ZMAT4: variants seen among roughly 807,000 people sequenced by gnomAD.
The protein encoded by ZMAT4 is zinc finger matrin-type protein 4.
Under a neutral mutation model 28.7 loss-of-function variants are expected in ZMAT4, and 17 were observed. The ratio of observed to expected loss-of-function variants is 0.59; its 90% CI spans 0.41 to 0.89. ZMAT4 has a LOEUF of 0.89. Among genes scored for constraint, ZMAT4 ranks in the 40% least tolerant of loss-of-function variants. The probability of loss-of-function intolerance (pLI) is 0.00; values close to 1 mark genes in which losing one functional copy is unlikely to be tolerated. For synonymous variants in ZMAT4, 117 were observed against 109.2 expected (o/e 1.07, Z -0.44); for missense variants, 240 against 283.8 (o/e 0.85, Z 1.11).
At chr8:40,550,990 AT>A (rs1181546672) in intron 6 of ZMAT4, among the ~76,000 whole-genome samples, 1 of 152,106 alleles carries the variant, frequency 6.6e-6, no homozygotes, top group Non-Finnish European at 1.5e-5. Flanking sequence ...AGGTTTGTAC[AT>A]TTTCATGTCC....
At chr8:40,634,881 A>G (rs1585790753) in intron 5 of ZMAT4, among the ~76,000 whole-genome samples, 1 of 152,348 alleles carries the variant, frequency 6.6e-6, no homozygotes, top group South Asian at 2.1e-4. Flanking sequence ...AGCTTCCTGC[A>G]GACTCTGATG....
In ZMAT4 at chr8:40,532,253, G is replaced by A. The variant is rs74701408; in HGVS notation, c.675-15C>T. On this transcript the variant is annotated splice_polypyrimidine_tract_variant and intron_variant, in intron 6 of 6. Transcript: ENST00000297737. Reference sequence around the variant, plus strand: ...TATTCTTCAGGCTATAAGACAGAAGGAAACACAGTGTTACCTTCTTTCATA... The same window carrying A: ...TATTCTTCAGGCTATAAGACAGAAGAAAACACAGTGTTACCTTCTTTCATA... 0.016 allele frequency: 24,965 copies of A among 1,574,684 alleles called. 719 individuals are homozygous for A. Among genetic ancestry groups the A allele is most frequent in the African/African-American group, 0.13 (9,290 of 73,428 alleles).
At chr8:40,805,783 C>T (rs995355175) in intron 2 of ZMAT4, among the ~76,000 whole-genome samples, 6 of 107,408 alleles carry the variant, frequency 5.6e-5, no homozygotes, top group Admixed American at 1.4e-4. Flanking sequence ...ACTCTGGGGA[C>T]TGTTGTGGGG....
At position 40,581,213 on chromosome 8, in the gene ZMAT4, G is replaced by T. The variant is rs1804454297; in HGVS notation, c.626C>A (p.Ser209Ter). The change falls in exon 6 of 7, where the codon TCA (serine) becomes TAA (stop). Residue 209 changes from serine to a stop codon, truncating the protein, a stop_gained. Transcript: ENST00000297737. LOFTEE classifies it high-confidence loss of function. Reference sequence around the variant, plus strand: ...CAGATGGGCATGATACTGTTCTATTGAGTTTAGGGAGACACTGCAGATGGT... The same window carrying T: ...CAGATGGGCATGATACTGTTCTATTTAGTTTAGGGAGACACTGCAGATGGT... ...RCTICSVSLN[S>*]IEQYHAHLKG... 1 of 1,613,476 alleles carries T rather than the reference G, an allele frequency of 6.2e-7. No homozygotes were observed. The highest frequency in any genetic ancestry group is 1.1e-5 in the South Asian group (1 of 91,040).
chr8:40,601,491 A>G (rs532702285), intron 5 of ZMAT4, among the ~76,000 whole-genome samples: 2 of 144,818 alleles, frequency 1.4e-5, no homozygotes, highest in African/African-American at 5.1e-5. Flanking sequence ...GAAAGAAAGA[A>G]AGAGAGAAAG....
chr8:40,849,975 C>T (rs1586165290), intron 1 of ZMAT4, among the ~76,000 whole-genome samples: 1 of 152,252 alleles, frequency 6.6e-6, no homozygotes, highest in South Asian at 2.1e-4. Flanking sequence ...GGGATCGCTC[C>T]TCATCCACTC....
chr8:40,677,010 A>G (rs1006147981), intron 4 of ZMAT4, among the ~76,000 whole-genome samples: 10 of 152,208 alleles, frequency 6.6e-5, no homozygotes, highest in African/African-American at 2.4e-4. Flanking sequence ...AGGATTTATA[A>G]TTAGCTATTG....
In ZMAT4 at chr8:40,641,960, A is replaced by G. The variant is rs1807052073; in HGVS notation, c.577+32744T>C. 2.0e-5 allele frequency among the ~76,000 whole-genome samples: 3 copies of G among 152,140 alleles called. No individual in the cohort carries two copies. The South Asian group carries it at 6.2e-4, about 31-fold the overall frequency. ...ATAATAATAAAATAAATAAAAATAAAGTGAACTCATTTCCTCTCTCTAAAA... is the reference window on the plus strand; with the variant it reads ...ATAATAATAAAATAAATAAAAATAAGGTGAACTCATTTCCTCTCTCTAAAA... On this transcript the variant is annotated intron_variant, in intron 5 of 6. Coordinates refer to ENST00000297737, the MANE Select transcript of ZMAT4 (RefSeq NM_024645.3).
At position 40,780,460 on chromosome 8, in the gene ZMAT4, A is replaced by T. The variant is rs936026829; in HGVS notation, c.103-12730T>A. Among the ~76,000 whole-genome samples the T allele has an allele frequency of 1.7e-4, 26 of 152,346 alleles. No individual in the cohort carries two copies. The East Asian group carries it at 5.0e-3, about 29-fold the overall frequency. ...GGGACTGTCTGCACTTCCAGAAAGA[A>T]CCATTATCTTTCCTCCTATATCAAA... is the stretch of plus-strand genomic sequence containing the variant. On this transcript the variant is annotated intron_variant, in intron 2 of 6. Coordinates refer to ENST00000297737, the MANE Select transcript of ZMAT4 (RefSeq NM_024645.3).
chr8:40,545,477 C>A (rs1418283881), intron 6 of ZMAT4, among the ~76,000 whole-genome samples: 1 of 152,074 alleles, frequency 6.6e-6, no homozygotes, highest in African/African-American at 2.4e-5. Flanking sequence ...CAGAATGCAA[C>A]CTTATTTGGA....
intron 2 of ZMAT4, among the ~76,000 whole-genome samples, chr8:40,819,256 C>T (rs16889988): frequency 0.23 from 34,737 of 152,048 alleles, 4,175 homozygotes; most frequent in East Asian, 0.31. Flanking sequence ...CTGATATTCA[C>T]CAAGATTCAG....
At position 40,767,582 on chromosome 8, in the gene ZMAT4, A is replaced by G; in HGVS notation, c.192+59T>C. 7.6e-6 allele frequency: 11 copies of G among 1,456,656 alleles called. No individual in the cohort carries two copies. In the South Asian group the frequency reaches 1.3e-4, roughly 17 times the overall value. The allele number at this position is 1,456,656 out of a possible 1,614,324, so 90.2% of individuals were successfully genotyped here. A position where few individuals can be genotyped will look rare whatever the true frequency, so the allele number is the denominator to read the frequency against. On this transcript the variant is annotated intron_variant, in intron 3 of 6. Transcript: ENST00000297737. Reference sequence around the variant, plus strand: ...ACTAGACTACAATTCCTACACCTGCAAAGTTCTCAGTACACAGAACAAATC... The same window carrying G: ...ACTAGACTACAATTCCTACACCTGCGAAGTTCTCAGTACACAGAACAAATC...
At chr8:40,652,355 G>A (rs971454927) in intron 5 of ZMAT4, among the ~76,000 whole-genome samples, 7 of 123,898 alleles carry the variant, frequency 5.6e-5, no homozygotes, top group Non-Finnish European at 1.0e-4. Flanking sequence ...CTGGCCATCA[G>A]AGAAATGCAA....
At position 40,716,712 on chromosome 8, in the gene ZMAT4, G is replaced by T. The variant is rs533675869; in HGVS notation, c.193-19311C>A. On this transcript the variant is annotated intron_variant, in intron 3 of 6. Transcript: ENST00000297737. ...CTCAAAAATAAATAAAAATAAATAA[G>T]AGAGAGTCAGTTTGATTAGGGTCCA... is the stretch of plus-strand genomic sequence containing the variant. Among the ~76,000 whole-genome samples the T allele has an allele frequency of 1.8e-4, 27 of 152,176 alleles. No homozygotes were observed. In the South Asian group the frequency reaches 5.6e-3, roughly 32 times the overall value.
chr8:40,708,369 A>G (rs1452733476), intron 3 of ZMAT4, among the ~76,000 whole-genome samples: 1 of 152,174 alleles, frequency 6.6e-6, no homozygotes, highest in Non-Finnish European at 1.5e-5. Context: ...TTTCTGTACA[A>G]CCCACCAGAA....
At chr8:40,671,313 A>G (rs1808656180) in intron 5 of ZMAT4, among the ~76,000 whole-genome samples, 1 of 152,154 alleles carries the variant, frequency 6.6e-6, no homozygotes, top group South Asian at 2.1e-4. Flanking sequence ...CAGCAATCCT[A>G]TGCCTATTTA....
intron 3 of ZMAT4, among the ~76,000 whole-genome samples, chr8:40,752,668 T>C (rs1812503338): frequency 6.6e-6 from 1 of 152,126 alleles, no homozygotes; most frequent in Non-Finnish European, 1.5e-5. Flanking sequence ...AATTATCCCA[T>C]TCATCTATTT....
chr8:40,611,328 T>A (rs1439308370), intron 5 of ZMAT4, among the ~76,000 whole-genome samples: 1 of 152,142 alleles, frequency 6.6e-6, no homozygotes, highest in African/African-American at 2.4e-5. Flanking sequence ...ACATATTATC[T>A]GTAGAATATA....
intron 3 of ZMAT4, among the ~76,000 whole-genome samples, chr8:40,727,152 C>A (rs1456890070): frequency 1.3e-5 from 2 of 152,160 alleles, no homozygotes; most frequent in African/African-American, 4.8e-5. Flanking sequence ...CTAATAAACA[C>A]TCAGGTTCTT....
Sources: allele counts gnomAD v4.1 joint callset (sites outside exome capture counted in the v4.1 genomes callset), GRCh38; gene constraint gnomAD v4.1.1; transcripts MANE v1.5; gene names NCBI Gene and HGNC (gene_info 2026-07-23, HGNC 2026-07-21).